Variants in FCHSD2 observed in about 807,000 individuals in gnomAD.
FCHSD2 encodes the protein FCH and double SH3 domains 2, also known as F-BAR and double SH3 domains protein 2.
FCHSD2 carries 38 observed loss-of-function variants against 108.1 expected under a neutral mutation model. That is an observed-to-expected ratio of 0.35 (90% confidence interval 0.27 to 0.46). FCHSD2 has a LOEUF of 0.46. Ranked by LOEUF, FCHSD2 falls within the 20% of genes least tolerant of loss-of-function variation. The probability of loss-of-function intolerance (pLI) is 1.00; values close to 1 mark genes in which losing one functional copy is unlikely to be tolerated. For synonymous variants in FCHSD2, 279 were observed against 314.7 expected (o/e 0.89, Z 1.20); for missense variants, 751 against 897.8 (o/e 0.84, Z 2.09).
At position 72,843,312 on chromosome 11, in the gene FCHSD2, C is replaced by T; in HGVS notation, c.1544G>A (p.Gly515Asp). The change falls in exon 16 of 20, where the codon GGC (glycine) becomes GAC (aspartate). Residue 515 changes from glycine to aspartate, a missense_variant. By Grantham distance (94) the Gly-to-Asp change is moderately conservative. Coordinates refer to ENST00000409418, the MANE Select transcript of FCHSD2 (RefSeq NM_014824.3). Reference sequence around the variant, plus strand: ...CTTTTCTGGCACATAACCCACTTGGCCAACTTTATTTCGAGCCTGGGTAAA... The same window carrying T: ...CTTTTCTGGCACATAACCCACTTGGTCAACTTTATTTCGAGCCTGGGTAAA... ...EDWVKARNKV[G>D]QVGYVPEKYL... 6.2e-7 allele frequency: 1 copy of T among 1,613,716 alleles called. No homozygotes were observed. The highest frequency in any genetic ancestry group is 1.1e-5 in the South Asian group (1 of 91,076).
At position 73,140,064 on chromosome 11, in the gene FCHSD2, T is replaced by C; in HGVS notation, c.86A>G (p.His29Arg). The change falls in exon 2 of 20, where the codon CAT becomes CGT. Residue 29 changes from histidine (H) to arginine (R), a missense_variant. Coordinates refer to ENST00000409418, the MANE Select transcript of FCHSD2 (RefSeq NM_014824.3). ...TTCAAGCAAATCACATTCTGCTTGA[T>C]GTTTGGCTTGAAGTTTTGTCATCTG... ...VEQMTKLQAKHQAECDLLEDM... is the reference protein window; with the variant it reads ...VEQMTKLQAKRQAECDLLEDM... 6.5e-7 allele frequency: 1 copy of C among 1,548,166 alleles called. No individual in the cohort carries two copies. Among genetic ancestry groups the C allele is most frequent in the Non-Finnish European group, 8.7e-7 (1 of 1,145,270 alleles).
rs535536608 is a variant in FCHSD2, at chr11:73,121,860, T to C, written c.119+18171A>G. ...TGATGCAGGAGATTAGGGATAAGCC[T>C]ACAAAACTGCATTTTTAACAAGTTC... is the stretch of plus-strand genomic sequence containing the variant. On this transcript the variant is annotated intron_variant, in intron 2 of 19. Coordinates refer to ENST00000409418, the MANE Select transcript of FCHSD2 (RefSeq NM_014824.3). 2.0e-5 allele frequency among the ~76,000 whole-genome samples: 3 copies of C among 152,310 alleles called. No homozygotes were observed. In the South Asian group the frequency reaches 6.2e-4, roughly 32 times the overall value.
chr11:73,043,496 C>A (rs1858689425), intron 3 of FCHSD2, among the ~76,000 whole-genome samples: 1 of 152,164 alleles, frequency 6.6e-6, no homozygotes, highest in South Asian at 2.1e-4. Flanking sequence ...AGTTAAATTA[C>A]ATACAACTTT....
chr11:73,096,310 G>C (rs959730462), intron 2 of FCHSD2, among the ~76,000 whole-genome samples: 1 of 150,594 alleles, frequency 6.6e-6, no homozygotes, highest in Admixed American at 6.6e-5. Flanking sequence ...GGAGGCCAAG[G>C]CAGGTGGATC....
intron 8 of FCHSD2, among the ~76,000 whole-genome samples, chr11:72,944,301 T>C (rs372054931): frequency 2.0e-5 from 3 of 152,164 alleles, no homozygotes; most frequent in East Asian, 3.9e-4. Flanking sequence ...ACAAAAACCA[T>C]ATGATTATCT....
At position 72,885,256 on chromosome 11, in the gene FCHSD2, C is replaced by T. The variant is rs536855795; in HGVS notation, c.1146+2214G>A. Reference sequence around the variant, plus strand: ...ACCAAGTGAGATTATTTTATGCTAACAGTAAAATTAATTAAATGCTACAGA... The same window carrying T: ...ACCAAGTGAGATTATTTTATGCTAATAGTAAAATTAATTAAATGCTACAGA... On this transcript the variant is annotated intron_variant, in intron 12 of 19. Transcript: ENST00000409418. Among the ~76,000 whole-genome samples the T allele has an allele frequency of 2.8e-4, 42 of 152,104 alleles. No homozygotes were observed. In the South Asian group the frequency reaches 8.5e-3, roughly 31 times the overall value.
intron 3 of FCHSD2, among the ~76,000 whole-genome samples, chr11:73,058,882 G>A (rs957746600): frequency 7.2e-5 from 11 of 151,884 alleles, no homozygotes; most frequent in Admixed American, 7.2e-4. Flanking sequence ...ATTTTCTAAC[G>A]GGATAAATAA....
intron 3 of FCHSD2, among the ~76,000 whole-genome samples, chr11:73,077,390 A>G (rs1250616363): frequency 6.6e-6 from 1 of 152,186 alleles, no homozygotes; most frequent in African/African-American, 2.4e-5. Flanking sequence ...ACAATATCAA[A>G]AATTAAGAAG....
Position 73,141,919 on chromosome 11 carries a change from C to T in FCHSD2, c.-42G>A, listed in dbSNP as rs1255958331. 1 of 1,538,600 alleles carries T rather than the reference C, an allele frequency of 6.5e-7. No individual in the cohort carries two copies. Among genetic ancestry groups the T allele is most frequent in the Non-Finnish European group, 8.7e-7 (1 of 1,143,732 alleles). ...CAATCCTCCCCGACGGCAGCGTTAGCAAGGACCAGGAGGAGGAGGAGGGCC... is the reference window on the plus strand; with the variant it reads ...CAATCCTCCCCGACGGCAGCGTTAGTAAGGACCAGGAGGAGGAGGAGGGCC... On this transcript the variant is annotated 5_prime_UTR_variant, in exon 1 of 20. Transcript: ENST00000409418.
At chr11:73,083,063 T>C (rs1859733744) in intron 3 of FCHSD2, among the ~76,000 whole-genome samples, 1 of 152,176 alleles carries the variant, frequency 6.6e-6, no homozygotes. Context: ...AAATGCGTGA[T>C]GAAAAATTAA....
intron 10 of FCHSD2, among the ~76,000 whole-genome samples, chr11:72,894,567 T>C (rs1309771092): frequency 6.6e-6 from 1 of 152,146 alleles, no homozygotes; most frequent in Non-Finnish European, 1.5e-5. Context: ...CTTTATGAAG[T>C]ATATTAATAT....
intron 13 of FCHSD2, among the ~76,000 whole-genome samples, chr11:72,851,891 TTTTG>T (rs1861298873): frequency 6.6e-6 from 1 of 151,406 alleles, no homozygotes. Flanking sequence ...TTTTTTTTTT[TTTTG>T]AGATAGGGTC....
At chr11:73,102,071 T>G (rs910383658) in intron 2 of FCHSD2, among the ~76,000 whole-genome samples, 5 of 152,190 alleles carry the variant, frequency 3.3e-5, no homozygotes, top group Non-Finnish European at 7.4e-5. Flanking sequence ...TATGAACAAA[T>G]GATTTGAATT....
Position 73,001,134 on chromosome 11 carries a change from C to A in FCHSD2, c.243G>T (p.Arg81Ser). 6.2e-7 allele frequency: 1 copy of A among 1,611,890 alleles called. No individual in the cohort carries two copies. Residue 81 changes from arginine to serine, a missense_variant and splice_region_variant, in exon 5 of 20, where the codon AGG (arginine) becomes AGT (serine). Physicochemically the swap from Arg to Ser is moderately radical, Grantham distance 110. Transcript: ENST00000409418. ...GVKADDRNDYRSMYPVWKSFL... is the reference protein window; with the variant it reads ...GVKADDRNDYSSMYPVWKSFL... The stretch of plus-strand genomic sequence containing the variant: ...AAGATTTCCAAACGGGATACATGCT[C>A]CTAAATTCAAAGAGGGATAGAAAAG...
intron 10 of FCHSD2, among the ~76,000 whole-genome samples, chr11:72,898,608 TC>T (rs1327818069): frequency 3.3e-5 from 5 of 152,232 alleles, no homozygotes; most frequent in Admixed American, 2.0e-4. Context: ...CCTGGTTGCA[TC>T]CCACTTTCAT....
chr11:72,858,509 A>G lies in FCHSD2; in HGVS notation c.1309-8620T>C, dbSNP rs963474623. Reference sequence around the variant, plus strand: ...GGAGGCCATTATCCTTAGCAAACTAACACAGGAACAGAAGACCAAATACCG... The same window carrying G: ...GGAGGCCATTATCCTTAGCAAACTAGCACAGGAACAGAAGACCAAATACCG... On this transcript the variant is annotated intron_variant, in intron 13 of 19. Transcript: ENST00000409418. Among the ~76,000 whole-genome samples the G allele has an allele frequency of 3.9e-5, 6 of 152,338 alleles. No individual in the cohort carries two copies. In the East Asian group the frequency reaches 1.2e-3, roughly 29 times the overall value.
In FCHSD2 at chr11:73,140,107, T is replaced by C. The variant is rs1395747250; in HGVS notation, c.43A>G (p.Lys15Glu). The part of the protein sequence containing the change: ...PRKVKVTQEL[K>E]NIQVEQMTKL... Reference sequence around the variant, plus strand: ...GTCATCTGCTCAACTTGAATGTTTTTCAGTTCTTGTGTAACTTTCACCTAA... The same window carrying C: ...GTCATCTGCTCAACTTGAATGTTTTCCAGTTCTTGTGTAACTTTCACCTAA... The change falls in exon 2 of 20, where the codon AAA (lysine) becomes GAA (glutamate). Residue 15 changes from lysine to glutamate, a missense_variant. Physicochemically the swap from Lys to Glu is moderately conservative, Grantham distance 56. Transcript: ENST00000409418. 2 of 1,542,908 alleles carry C rather than the reference T, an allele frequency of 1.3e-6. No homozygotes were observed. Among genetic ancestry groups the C allele is most frequent in the Non-Finnish European group, 1.8e-6 (2 of 1,142,152 alleles).
intron 3 of FCHSD2, among the ~76,000 whole-genome samples, chr11:73,082,422 CT>C (rs750790795): frequency 1.8e-4 from 27 of 150,034 alleles, no homozygotes; most frequent in Non-Finnish European, 3.7e-4. Flanking sequence ...TGTAAAGCAC[CT>C]GATACACAAT....
chr11:73,083,631 A>G, intron 3 of FCHSD2, 64 bp downstream of exon 3: 1 of 978,870 alleles, frequency 1.0e-6, no homozygotes, highest in Non-Finnish European at 1.6e-6. Context: ...TCCAAAAACC[A>G]TCTCTGTCCT....
Sources: allele counts gnomAD v4.1 joint callset (sites outside exome capture counted in the v4.1 genomes callset), GRCh38; gene constraint gnomAD v4.1.1; transcripts MANE v1.5; gene names NCBI Gene and HGNC (gene_info 2026-07-23, HGNC 2026-07-21).